SYT1: variants seen among roughly 807,000 people sequenced by gnomAD.
SYT1 encodes the protein synaptotagmin 1, also known as synaptotagmin-1.
SYT1 carries 8 observed loss-of-function variants against 44.8 expected under a neutral mutation model. The observed-to-expected ratio is 0.18, with a 90% CI of 0.10 to 0.32. The LOEUF (loss-of-function observed/expected upper bound fraction) is 0.32, where lower values mean the gene tolerates loss of function less well. Ranked by LOEUF, SYT1 falls within the 10% of genes least tolerant of loss-of-function variation. The pLI is 1.00. For synonymous variants in SYT1, 154 were observed against 188.8 expected (o/e 0.82, Z 1.51); for missense variants, 286 against 509.3 (o/e 0.56, Z 4.22).
At chr12:78,875,317 C>T (rs1022857245) in intron 1 of SYT1, among the ~76,000 whole-genome samples, 3 of 151,546 alleles carry the variant, frequency 2.0e-5, no homozygotes, top group Non-Finnish European at 4.4e-5. Context: ...AGGTTTCCTG[C>T]ATGTAGGAGC....
intron 3 of SYT1, among the ~76,000 whole-genome samples, chr12:79,189,137 C>T (rs1872966419): frequency 6.6e-6 from 1 of 152,094 alleles, no homozygotes; most frequent in Non-Finnish European, 1.5e-5. Flanking sequence ...TTGGAAGCAA[C>T]CATCCCTTTC....
chr12:79,132,357 G>A (rs1050702783), intron 3 of SYT1, among the ~76,000 whole-genome samples: 8 of 151,582 alleles, frequency 5.3e-5, no homozygotes, highest in African/African-American at 1.9e-4. Flanking sequence ...GCTGAGGCAG[G>A]AGAATCGTTT....
At chr12:79,077,320 T>C (rs1169329263) in intron 3 of SYT1, among the ~76,000 whole-genome samples, 1 of 152,194 alleles carries the variant, frequency 6.6e-6, no homozygotes, top group Non-Finnish European at 1.5e-5. Flanking sequence ...TCTTCCATGA[T>C]ACAGTGCATT....
chr12:79,153,286 C>T lies in SYT1; in HGVS notation c.-17-64217C>T, dbSNP rs139533828. 1.2e-4 allele frequency among the ~76,000 whole-genome samples: 18 copies of T among 152,248 alleles called. No individual in the cohort carries two copies. In the East Asian group the frequency reaches 3.5e-3, roughly 29 times the overall value. ...TCTCTATAATCAATTGGATGCCAATCAGATCAAATTCACCTGGTTTCAAAT... is the reference window on the plus strand; with the variant it reads ...TCTCTATAATCAATTGGATGCCAATTAGATCAAATTCACCTGGTTTCAAAT... On this transcript the variant is annotated intron_variant, in intron 3 of 10. Coordinates refer to ENST00000261205, the MANE Select transcript of SYT1 (RefSeq NM_005639.3).
intron 7 of SYT1, among the ~76,000 whole-genome samples, chr12:79,299,019 CAACAAT>C (rs1418774428): frequency 1.3e-5 from 2 of 152,028 alleles, no homozygotes; most frequent in African/African-American, 4.8e-5. Flanking sequence ...CAACTTAAAA[CAACAAT>C]AACAACAAAA....
At position 79,078,960 on chromosome 12, in the gene SYT1, T is replaced by G. The variant is rs1366814039; in HGVS notation, c.-18+31598T>G. Among the ~76,000 whole-genome samples, 5 of 152,136 alleles carry G rather than the reference T, an allele frequency of 3.3e-5. No homozygotes were observed. The East Asian group carries it at 9.6e-4, about 29-fold the overall frequency. ...AAGTGATAAATATATTCAGCTATAT[T>G]AAGAGGAAGAATTTAAAAGGCACAT... is the stretch of plus-strand genomic sequence containing the variant. On this transcript the variant is annotated intron_variant, in intron 3 of 10. Coordinates refer to ENST00000261205, the MANE Select transcript of SYT1 (RefSeq NM_005639.3).
intron 3 of SYT1, among the ~76,000 whole-genome samples, chr12:79,201,193 G>A (rs1873764860): frequency 6.6e-6 from 1 of 152,140 alleles, no homozygotes; most frequent in African/African-American, 2.4e-5. Context: ...GGAAGTTGGG[G>A]CTTGTAAATA....
chr12:79,018,990 T>C (rs1369065473), intron 2 of SYT1, among the ~76,000 whole-genome samples: 1 of 152,090 alleles, frequency 6.6e-6, no homozygotes, highest in Non-Finnish European at 1.5e-5. Context: ...ATACGTAATT[T>C]GTAAATGATA....
At chr12:79,030,475 G>C (rs1482111716) in intron 2 of SYT1, among the ~76,000 whole-genome samples, 1 of 150,910 alleles carries the variant, frequency 6.6e-6, no homozygotes, top group Non-Finnish European at 1.5e-5. Flanking sequence ...CACCCTTCAA[G>C]GACCAAATGC....
At chr12:79,035,823 T>G (rs958154549) in intron 2 of SYT1, among the ~76,000 whole-genome samples, 3 of 151,704 alleles carry the variant, frequency 2.0e-5, no homozygotes, top group African/African-American at 7.3e-5. Context: ...TTGTAATGCT[T>G]TTTAAATAGA....
At chr12:79,073,255 C>T (rs1876408721) in intron 3 of SYT1, among the ~76,000 whole-genome samples, 1 of 152,064 alleles carries the variant, frequency 6.6e-6, no homozygotes, top group Admixed American at 6.6e-5. Context: ...GTGCATGCCA[C>T]CATGCCTGGA....
intron 3 of SYT1, among the ~76,000 whole-genome samples, chr12:79,100,081 C>T (rs1447920219): frequency 2.0e-5 from 3 of 152,000 alleles, no homozygotes; most frequent in Non-Finnish European, 4.4e-5. Context: ...TATATATAAG[C>T]ATATTCAAAA....
intron 2 of SYT1, among the ~76,000 whole-genome samples, chr12:79,035,158 G>A (rs1434225560): frequency 2.0e-5 from 3 of 151,634 alleles, no homozygotes; most frequent in African/African-American, 4.8e-5. Flanking sequence ...ATCTCACGCC[G>A]AACCCCAACA....
intron 6 of SYT1, among the ~76,000 whole-genome samples, chr12:79,292,968 G>A (rs1027207097): frequency 6.6e-6 from 1 of 152,074 alleles, no homozygotes; most frequent in African/African-American, 2.4e-5. Context: ...AAATGTGAAA[G>A]CTGGATAAGA....
chr12:79,006,611 A>C (rs1871103292), intron 2 of SYT1, among the ~76,000 whole-genome samples: 1 of 151,952 alleles, frequency 6.6e-6, no homozygotes, highest in South Asian at 2.1e-4. Context: ...CATCTGTTTT[A>C]TTTATTTGTG....
At chr12:79,179,761 G>T (rs1872402866) in intron 3 of SYT1, among the ~76,000 whole-genome samples, 1 of 151,692 alleles carries the variant, frequency 6.6e-6, no homozygotes. Context: ...TTTGCCATTT[G>T]CTCTAGCCTA....
chr12:79,387,542 T>C (rs1030451160), intron 9 of SYT1, among the ~76,000 whole-genome samples: 1 of 152,208 alleles, frequency 6.6e-6, no homozygotes, highest in African/African-American at 2.4e-5. Flanking sequence ...GTGTAGAACA[T>C]TGACCCATCA....
chr12:79,357,211 A>G (rs1565923931), intron 9 of SYT1, among the ~76,000 whole-genome samples: 1 of 152,236 alleles, frequency 6.6e-6, no homozygotes, highest in Non-Finnish European at 1.5e-5. Flanking sequence ...CAAAAAATGC[A>G]AATCTCAGCC....
At chr12:79,163,518 C>T (rs1465206198) in intron 3 of SYT1, among the ~76,000 whole-genome samples, 2 of 152,058 alleles carry the variant, frequency 1.3e-5, no homozygotes, top group African/African-American at 2.4e-5. Context: ...CTTGATAACA[C>T]GGTCTAAAGA....
Sources: allele counts gnomAD v4.1 joint callset (sites outside exome capture counted in the v4.1 genomes callset), GRCh38; gene constraint gnomAD v4.1.1; transcripts MANE v1.5; gene names NCBI Gene and HGNC (gene_info 2026-07-23, HGNC 2026-07-21).